The following MEIKIN variants were observed in gnomAD, a reference collection of about 807,000 sequenced individuals.
The protein encoded by MEIKIN is meiosis-specific kinetochore protein.
intron 8 of MEIKIN, among the ~76,000 whole-genome samples, chr5:131,908,665 A>AT (rs1751283980): frequency 6.6e-6 from 1 of 152,202 alleles, no homozygotes; most frequent in Admixed American, 6.5e-5. Flanking sequence ...ACATGGTCTT[A>AT]TACTTAAAAG....
intron 11 of MEIKIN, among the ~76,000 whole-genome samples, chr5:131,829,336 T>C (rs957393268): frequency 2.0e-5 from 3 of 152,166 alleles, no homozygotes; most frequent in Non-Finnish European, 4.4e-5. Context: ...AGGAAGCCAA[T>C]GGAAGATTAG....
chr5:131,808,830 C>G (rs1412316915), intron 12 of MEIKIN, among the ~76,000 whole-genome samples: 1 of 152,144 alleles, frequency 6.6e-6, no homozygotes, highest in Non-Finnish European at 1.5e-5. Context: ...AATCCCAGCA[C>G]TCTGGGAGGC....
intron 11 of MEIKIN, among the ~76,000 whole-genome samples, chr5:131,843,770 C>T (rs1336852537): frequency 6.6e-6 from 1 of 152,210 alleles, no homozygotes; most frequent in Admixed American, 6.5e-5. Context: ...CCCTCATGTT[C>T]CTGTCTTCTT....
chr5:131,866,432 G>A (rs1580879388), intron 9 of MEIKIN, among the ~76,000 whole-genome samples: 1 of 152,326 alleles, frequency 6.6e-6, no homozygotes, highest in Non-Finnish European at 1.5e-5. Context: ...GCATGCAGGG[G>A]CAGAATGACC....
intron 8 of MEIKIN, among the ~76,000 whole-genome samples, chr5:131,892,136 G>A (rs1750934331): frequency 1.3e-5 from 2 of 152,080 alleles, no homozygotes; most frequent in African/African-American, 4.8e-5. Context: ...TTTCTCTCTG[G>A]CTGCCCTTAA....
intron 11 of MEIKIN, among the ~76,000 whole-genome samples, chr5:131,822,719 G>A (rs773829582): frequency 5.3e-5 from 8 of 152,164 alleles, no homozygotes; most frequent in Non-Finnish European, 1.2e-4. Flanking sequence ...TTTACACACT[G>A]TGATAACAAT....
intron 8 of MEIKIN, among the ~76,000 whole-genome samples, chr5:131,887,474 T>G (rs1750820002): frequency 6.6e-6 from 1 of 152,190 alleles, no homozygotes; most frequent in Non-Finnish European, 1.5e-5. Flanking sequence ...AAAAGCATAT[T>G]TCTCCACATC....
chr5:131,940,859 T>C (rs1470282530), intron 4 of MEIKIN, among the ~76,000 whole-genome samples: 2 of 152,328 alleles, frequency 1.3e-5, no homozygotes, highest in Non-Finnish European at 2.9e-5. Flanking sequence ...AACATAAGAA[T>C]TGACTACATC....
intron 8 of MEIKIN, among the ~76,000 whole-genome samples, chr5:131,891,701 T>C (rs1476833492): frequency 6.6e-6 from 1 of 152,208 alleles, no homozygotes; most frequent in Non-Finnish European, 1.5e-5. Context: ...AATTAGAGCA[T>C]TTAGCCCATT....
chr5:131,840,327 G>T (rs544333888), intron 11 of MEIKIN, among the ~76,000 whole-genome samples: 33 of 152,232 alleles, frequency 2.2e-4, no homozygotes, highest in African/African-American at 7.9e-4. Context: ...AGAATCTGAT[G>T]ATTATGTATC....
Position 131,928,386 on chromosome 5 carries a change from A to C in MEIKIN, c.478+5127T>G, listed in dbSNP as rs146346673. Among the ~76,000 whole-genome samples, 4 of 151,978 alleles carry C rather than the reference A, an allele frequency of 2.6e-5. No homozygotes were observed. The East Asian group carries it at 7.7e-4, about 29-fold the overall frequency. ...TCCACTGCTTTTTGTATATATCGAT[A>C]ATGCTTTTCTTTTTCTTCTTTTGTG... is the stretch of plus-strand genomic sequence containing the variant. On this transcript the variant is annotated intron_variant, in intron 5 of 12. Transcript: ENST00000442687.
At chr5:131,893,982 G>A (rs566411805) in intron 8 of MEIKIN, among the ~76,000 whole-genome samples, 3 of 152,238 alleles carry the variant, frequency 2.0e-5, no homozygotes, top group South Asian at 2.1e-4. Context: ...CCATGTCTAC[G>A]TCACGAATGG....
chr5:131,890,779 T>G (rs1187289306), intron 8 of MEIKIN, among the ~76,000 whole-genome samples: 12 of 152,180 alleles, frequency 7.9e-5, no homozygotes, highest in Admixed American at 7.2e-4. Flanking sequence ...TGTTTGCTCT[T>G]GCCTCTCTAG....
At chr5:131,893,340 C>T (rs1750970453) in intron 8 of MEIKIN, among the ~76,000 whole-genome samples, 1 of 152,244 alleles carries the variant, frequency 6.6e-6, no homozygotes, top group Non-Finnish European at 1.5e-5. Flanking sequence ...TGATCTCAGA[C>T]TGCTGTGCTA....
intron 12 of MEIKIN, among the ~76,000 whole-genome samples, chr5:131,811,298 G>C (rs894942581): frequency 6.6e-6 from 1 of 151,552 alleles, no homozygotes; most frequent in Admixed American, 6.6e-5. Context: ...AGGCCAAAAA[G>C]ATCAAATTAA....
At chr5:131,894,123 C>T (rs1032596191) in intron 8 of MEIKIN, among the ~76,000 whole-genome samples, 2 of 152,242 alleles carry the variant, frequency 1.3e-5, no homozygotes, top group Admixed American at 6.5e-5. Context: ...ATATGGCTAG[C>T]CAGTTTTCCC....
chr5:131,878,511 G>A (rs10478996), intron 9 of MEIKIN, among the ~76,000 whole-genome samples: 96,353 of 151,846 alleles, frequency 0.63, 32,639 homozygotes, highest in Non-Finnish European at 0.77. Context: ...AGCTTGCAGT[G>A]AGCCGAGATC....
At position 131,811,379 on chromosome 5, in the gene MEIKIN, G is replaced by A. The variant is rs139218517; in HGVS notation, c.1100-4121C>T. Among the ~76,000 whole-genome samples the A allele has an allele frequency of 6.0e-5, 9 of 149,602 alleles. No homozygotes were observed. The East Asian group carries it at 1.8e-3, about 29-fold the overall frequency. ...TTTTTTAATTTTTTATTTTTGAGAC[G>A]GAGTCTCACTCTGTCATCCAGGCTG... is the stretch of plus-strand genomic sequence containing the variant. On this transcript the variant is annotated intron_variant, in intron 12 of 12. Transcript: ENST00000442687.
At chr5:131,849,215 A>G (rs1163299423) in intron 11 of MEIKIN, among the ~76,000 whole-genome samples, 1 of 151,992 alleles carries the variant, frequency 6.6e-6, no homozygotes, top group Non-Finnish European at 1.5e-5. Flanking sequence ...GTTTAGCACC[A>G]TGCCCTTGTT....
Sources: gnomAD v4.1 joint callset for allele counts (sites outside exome capture counted in the v4.1 genomes callset) on GRCh38, gnomAD v4.1.1 for gene constraint, MANE v1.5 for transcripts, NCBI Gene and HGNC (gene_info 2026-07-23, HGNC 2026-07-21) for gene names.